Variants in ARHGAP44 observed in about 807,000 individuals in gnomAD.
The protein encoded by ARHGAP44 is Rho GTPase activating protein 44, also known as rho GTPase-activating protein 44.
In ARHGAP44, 43 loss-of-function variants were observed where a neutral mutation model predicts 106.8. That is an observed-to-expected ratio of 0.40 (90% CI 0.32 to 0.52). The LOEUF (loss-of-function observed/expected upper bound fraction) is 0.52. Among genes scored for constraint, ARHGAP44 ranks in the 20% least tolerant of loss-of-function variants. The pLI is 0.48. For missense variants in ARHGAP44, 866 were observed against 1,050.5 expected, an observed-to-expected ratio of 0.82 and a Z score of 2.43; for synonymous variants, 439 against 410.3, an observed-to-expected ratio of 1.07 and a Z score of -0.85.
chr17:12,802,914 ATACCTGGCT>A (rs2150766152), intron 1 of ARHGAP44, among the ~76,000 whole-genome samples: 1 of 125,850 alleles, frequency 7.9e-6, no homozygotes, highest in Admixed American at 8.5e-5. Context: ...ATGTACCACC[ATACCTGGCT>A]AATTTATATA....
chr17:12,827,626 TTACTC>T (rs1432780789), intron 1 of ARHGAP44, among the ~76,000 whole-genome samples: 1 of 152,166 alleles, frequency 6.6e-6, no homozygotes, highest in East Asian at 1.9e-4. Context: ...ATTTAATACT[TTACTC>T]CCTAGAGGTC....
intron 1 of ARHGAP44, among the ~76,000 whole-genome samples, chr17:12,851,418 C>T (rs375289045): frequency 2.6e-5 from 4 of 152,086 alleles, no homozygotes; most frequent in African/African-American, 7.2e-5. Context: ...TCACACCCTC[C>T]TTCTCCCTCA....
chr17:12,830,787 C>G (rs989422759), intron 1 of ARHGAP44, among the ~76,000 whole-genome samples: 1 of 152,124 alleles, frequency 6.6e-6, no homozygotes, highest in Non-Finnish European at 1.5e-5. Flanking sequence ...CAGCTCTCAT[C>G]TGGTGTTTTG....
rs1006719639 is a variant in ARHGAP44 at position 12,842,434 on chromosome 17, G to A, written c.54-52506G>A. On this transcript the variant is annotated intron_variant, in intron 1 of 20. Transcript: ENST00000379672. ...CATCTCAAAAAAAAAAAAAAAAAAA[G>A]AAAGAAAAAAGAAAAGAAAAGAAAA... Among the ~76,000 whole-genome samples, 798 of 116,332 alleles carry A rather than the reference G, an allele frequency of 6.9e-3. 6 individuals are homozygous for A. Among genetic ancestry groups the A allele is most frequent in the African/African-American group, 0.025 (521 of 20,794 alleles). The allele number at this position is 116,332 out of a possible 152,430, so 76.3% of individuals were successfully genotyped here.
In ARHGAP44 at chr17:12,820,327, A is replaced by G. The variant is rs1049840932; in HGVS notation, c.53+30436A>G. Among the ~76,000 whole-genome samples the G allele has an allele frequency of 3.3e-5, 5 of 152,092 alleles. No individual in the cohort carries two copies. The South Asian group carries it at 1.0e-3, about 32-fold the overall frequency. ...TGATACATATAATACCCATATTTTA[A>G]ATGTTTTAAATATTATTTTGTAACT... On this transcript the variant is annotated intron_variant, in intron 1 of 20. Transcript: ENST00000379672.
rs1308865589 is a variant in ARHGAP44, at chr17:12,975,371, C to T, written c.1763+1061C>T. Among the ~76,000 whole-genome samples the T allele has an allele frequency of 3.3e-5, 5 of 151,756 alleles. No homozygotes were observed. In the East Asian group the frequency reaches 5.8e-4, roughly 18 times the overall value. ...CAAGTCAGGGAATGAATGGAGGTGG[C>T]GGTTGTACTGGGCCTGATGACCTTT... is the stretch of plus-strand genomic sequence containing the variant. On this transcript the variant is annotated intron_variant, in intron 18 of 20. Transcript: ENST00000379672.
At chr17:12,933,267 A>G (rs1261868601) in intron 7 of ARHGAP44, among the ~76,000 whole-genome samples, 1 of 152,136 alleles carries the variant, frequency 6.6e-6, no homozygotes, top group Non-Finnish European at 1.5e-5. Context: ...ATTGTGGCAA[A>G]CCAGCCAAGT....
At chr17:12,815,405 TG>T (rs1251610664) in intron 1 of ARHGAP44, among the ~76,000 whole-genome samples, 1 of 152,134 alleles carries the variant, frequency 6.6e-6, no homozygotes, top group Non-Finnish European at 1.5e-5. Context: ...GAAATAGCCT[TG>T]GTGGGGTAGA....
intron 20 of ARHGAP44, chr17:12,986,289 G>A (rs1424021409): frequency 1.3e-5 from 2 of 152,156 alleles, no homozygotes; most frequent in African/African-American, 2.4e-5. Context: ...GTCTCCTGAA[G>A]GAGCCCATGA....
At chr17:12,976,295 GTTTTA>G (rs1007712117) in intron 18 of ARHGAP44, among the ~76,000 whole-genome samples, 8 of 151,798 alleles carry the variant, frequency 5.3e-5, no homozygotes, top group Non-Finnish European at 7.4e-5. Context: ...AGGCTTTTTT[GTTTTA>G]TTTTGTTTAA....
chr17:12,798,046 T>C (rs1026489205), intron 1 of ARHGAP44, among the ~76,000 whole-genome samples: 2 of 152,202 alleles, frequency 1.3e-5, no homozygotes, highest in African/African-American at 2.4e-5. Flanking sequence ...TGTAATTATC[T>C]TAACAGCCGC....
intron 1 of ARHGAP44, among the ~76,000 whole-genome samples, chr17:12,894,309 GA>G (rs2037140611): frequency 1.6e-4 from 2 of 12,536 alleles, no homozygotes; most frequent in Admixed American, 1.8e-3. Context: ...AAGAGAGGGG[GA>G]GAGAGAGAGA....
intron 1 of ARHGAP44, chr17:12,790,445 G>A (rs888073674): frequency 2.0e-5 from 3 of 153,374 alleles, no homozygotes; most frequent in Non-Finnish European, 4.3e-5. Flanking sequence ...TAAGGCGTTT[G>A]GTGGGGGGAA....
At chr17:12,915,402 G>T (rs1297088861) in intron 4 of ARHGAP44, among the ~76,000 whole-genome samples, 1 of 152,166 alleles carries the variant, frequency 6.6e-6, no homozygotes, top group Non-Finnish European at 1.5e-5. Context: ...ACTCATTCAG[G>T]TCTTCTGTCG....
intron 1 of ARHGAP44, among the ~76,000 whole-genome samples, chr17:12,822,889 T>C (rs2034811614): frequency 6.6e-6 from 1 of 152,186 alleles, no homozygotes; most frequent in Admixed American, 6.5e-5. Context: ...TGTTCAAGTA[T>C]CCAGATGGTG....
At chr17:12,923,327 C>T (rs1188086301) in intron 6 of ARHGAP44, among the ~76,000 whole-genome samples, 1 of 152,184 alleles carries the variant, frequency 6.6e-6, no homozygotes, top group African/African-American at 2.4e-5. Context: ...TCTCCTGCCT[C>T]AGCCTCCTGA....
chr17:12,899,618 T>TGGGA (rs1375499837), intron 3 of ARHGAP44, among the ~76,000 whole-genome samples: 1 of 80,458 alleles, frequency 1.2e-5, no homozygotes, highest in Non-Finnish European at 2.5e-5. Context: ...GAAGGTGGGG[T>TGGGA]GGGAGGGAGG....
At chr17:12,793,524 A>G (rs1159275366) in intron 1 of ARHGAP44, among the ~76,000 whole-genome samples, 1 of 152,158 alleles carries the variant, frequency 6.6e-6, no homozygotes, top group Non-Finnish European at 1.5e-5. Flanking sequence ...CCTGGCCAAC[A>G]TGGCGAAACC....
chr17:12,990,094 C>A lies in ARHGAP44; in HGVS notation c.2380C>A (p.Pro794Thr). The A allele has an allele frequency of 1.2e-6, 2 of 1,613,296 alleles. No individual in the cohort carries two copies. Among genetic ancestry groups the A allele is most frequent in the African/African-American group, 1.3e-5 (1 of 75,046 alleles). ...IELGSTLRLS[P>T]LEHMRRHSVT... is the part of the protein sequence containing the mutation. ...GCTCGGGTCGACGCTCCGCCTGAGT[C>A]CCCTGGAGCACATGCGGCGACACTC... Residue 794 changes from proline (P) to threonine (T), a missense_variant, in exon 21 of 21, where the codon CCC becomes ACC. Physicochemically the swap from Pro to Thr is conservative, Grantham distance 38. Around this residue, in one of 2 missense-constraint regions of ARHGAP44, gnomAD observed 418 missense variants for 403.6 expected, o/e 1.04. Coordinates refer to ENST00000379672, the MANE Select transcript of ARHGAP44 (RefSeq NM_014859.6).
Sources: allele counts gnomAD v4.1 joint callset (sites outside exome capture counted in the v4.1 genomes callset), GRCh38; gene constraint gnomAD v4.1.1; regional missense constraint gnomAD v4.1.1; transcripts MANE v1.5; gene names NCBI Gene and HGNC (gene_info 2026-07-23, HGNC 2026-07-21).